Variants in PRKG1 observed in about 807,000 individuals in gnomAD.
PRKG1 encodes protein kinase cGMP-dependent 1.
Under a neutral mutation model 88.1 loss-of-function variants are expected in PRKG1, and 35 were observed. The ratio of observed to expected loss-of-function variants is 0.40; its 90% CI spans 0.30 to 0.53. The LOEUF is 0.53. PRKG1 is among the 20% of genes least tolerant of loss of function. The probability of loss-of-function intolerance (pLI) is 0.59; values close to 1 mark genes in which losing one functional copy is unlikely to be tolerated. For missense variants in PRKG1, 540 were observed against 839.8 expected (o/e 0.64, Z 4.41); for synonymous variants, 303 against 292.5 (o/e 1.04, Z -0.37).
chr10:51,121,353 G>A lies in PRKG1; in HGVS notation c.312-31811G>A, dbSNP rs1200667895. On this transcript the variant is annotated intron_variant, in intron 1 of 17. Coordinates refer to ENST00000373980, the MANE Select transcript of PRKG1 (RefSeq NM_006258.4). Reference sequence around the variant, plus strand: ...TAATAGTAGAAACATGTCTTTGATGGAGGAAATTATTATATTATTTTTTGA... The same window carrying A: ...TAATAGTAGAAACATGTCTTTGATGAAGGAAATTATTATATTATTTTTTGA... 2.6e-5 allele frequency among the ~76,000 whole-genome samples: 4 copies of A among 152,258 alleles called. No individual in the cohort carries two copies. In the East Asian group the frequency reaches 5.8e-4, roughly 22 times the overall value.
At chr10:52,146,288 A>C (rs1199489971) in intron 8 of PRKG1, among the ~76,000 whole-genome samples, 1 of 152,194 alleles carries the variant, frequency 6.6e-6, no homozygotes, top group Non-Finnish European at 1.5e-5. Context: ...TACCATTCAA[A>C]GGGAATTACT....
intron 9 of PRKG1, among the ~76,000 whole-genome samples, chr10:52,177,335 C>A (rs1838893413): frequency 6.6e-6 from 1 of 151,910 alleles, no homozygotes; most frequent in Non-Finnish European, 1.5e-5. Context: ...TTAAACCATC[C>A]TTGCATTTCT....
intron 2 of PRKG1, among the ~76,000 whole-genome samples, chr10:51,183,522 C>T (rs1307999663): frequency 1.3e-5 from 2 of 148,304 alleles, no homozygotes; most frequent in East Asian, 3.9e-4. Context: ...CACATTTGGT[C>T]CTCTGAGAAC....
intron 1 of PRKG1, among the ~76,000 whole-genome samples, chr10:51,101,710 A>T (rs552277772): frequency 9.2e-5 from 14 of 152,300 alleles, no homozygotes; most frequent in African/African-American, 3.4e-4. Flanking sequence ...GATCATAGTG[A>T]GAACATGTTG....
At chr10:51,192,121 T>C (rs74133523) in intron 2 of PRKG1, among the ~76,000 whole-genome samples, 8,016 of 151,486 alleles carry the variant, frequency 0.053, 398 homozygotes, top group African/African-American at 0.13. Context: ...ATACTATCCC[T>C]CAAGCTATTG....
intron 1 of PRKG1, among the ~76,000 whole-genome samples, chr10:51,023,515 C>T (rs1843166053): frequency 6.6e-6 from 1 of 152,174 alleles, no homozygotes; most frequent in Admixed American, 6.6e-5. Context: ...ACCCAGAAAA[C>T]TAGAAGAAAT....
intron 3 of PRKG1, among the ~76,000 whole-genome samples, chr10:51,570,049 G>GTATATATATATATATCTATATATATATA (rs1837706221): frequency 7.8e-6 from 1 of 128,798 alleles, no homozygotes; most frequent in African/African-American, 3.5e-5. Context: ...ACCCAAACTA[G>GTATATATATATATATCTATATATATATA]TATATATATA....
intron 1 of PRKG1, among the ~76,000 whole-genome samples, chr10:51,059,938 G>A (rs1056694463): frequency 3.3e-5 from 5 of 152,024 alleles, no homozygotes; most frequent in Admixed American, 2.6e-4. Context: ...TATTAGATTT[G>A]TCTCTATCTC....
At chr10:51,481,211 T>G (rs1261714835) in intron 3 of PRKG1, among the ~76,000 whole-genome samples, 1 of 131,372 alleles carries the variant, frequency 7.6e-6, no homozygotes, top group Non-Finnish European at 1.7e-5. Flanking sequence ...CTCCCTCCTT[T>G]CGTTCCTTCC....
chr10:51,536,386 G>A (rs1172249677), intron 3 of PRKG1, among the ~76,000 whole-genome samples: 2 of 152,032 alleles, frequency 1.3e-5, no homozygotes, highest in Non-Finnish European at 2.9e-5. Context: ...TTTTTAATGG[G>A]TTGTTTTTTG....
chr10:51,989,743 G>T (rs1442131970), intron 5 of PRKG1, among the ~76,000 whole-genome samples: 1 of 152,040 alleles, frequency 6.6e-6, no homozygotes, highest in East Asian at 1.9e-4. Flanking sequence ...GAGAAGAAAA[G>T]AATCTGCCAA....
chr10:52,293,342 T>C (rs575120093), intron 17 of PRKG1, among the ~76,000 whole-genome samples: 120 of 151,444 alleles, frequency 7.9e-4, no homozygotes, highest in African/African-American at 2.1e-3. Context: ...CTGCCCAAGG[T>C]AATTTATAGA....
At chr10:51,733,814 C>A (rs1837185977) in intron 3 of PRKG1, among the ~76,000 whole-genome samples, 1 of 152,006 alleles carries the variant, frequency 6.6e-6, no homozygotes, top group African/African-American at 2.4e-5. Flanking sequence ...ATTTTGAGTA[C>A]CTTGGGACCC....
chr10:51,452,704 A>G (rs1839470883), intron 2 of PRKG1, among the ~76,000 whole-genome samples: 1 of 151,882 alleles, frequency 6.6e-6, no homozygotes, highest in East Asian at 1.9e-4. Flanking sequence ...AGTATTTTGT[A>G]GAAAATTGTT....
chr10:51,545,307 C>A (rs1842419728), intron 3 of PRKG1, among the ~76,000 whole-genome samples: 1 of 152,100 alleles, frequency 6.6e-6, no homozygotes. Context: ...AAAGGAGTTT[C>A]TTTTATTCTC....
intron 2 of PRKG1, among the ~76,000 whole-genome samples, chr10:51,278,933 G>T (rs1249246656): frequency 6.6e-6 from 1 of 152,014 alleles, no homozygotes; most frequent in Non-Finnish European, 1.5e-5. Flanking sequence ...TTTTTGAAGG[G>T]TTTTTTGTGT....
intron 17 of PRKG1, among the ~76,000 whole-genome samples, chr10:52,290,779 C>T (rs573763280): frequency 6.6e-6 from 1 of 151,988 alleles, no homozygotes; most frequent in Non-Finnish European, 1.5e-5. Context: ...TCACTTGAGC[C>T]CAGGAATTTG....
At chr10:52,097,180 T>A (rs990177983) in intron 7 of PRKG1, among the ~76,000 whole-genome samples, 5 of 152,286 alleles carry the variant, frequency 3.3e-5, no homozygotes, top group Middle Eastern at 3.4e-3. Flanking sequence ...TCCCTCCCAC[T>A]CTAGGCAGAA....
At chr10:51,489,090 G>A (rs985271365) in intron 3 of PRKG1, among the ~76,000 whole-genome samples, 5 of 152,118 alleles carry the variant, frequency 3.3e-5, no homozygotes, top group South Asian at 4.1e-4. Context: ...TTATTTGAAT[G>A]TCTTTCTAGG....
Sources: allele counts gnomAD v4.1 joint callset (sites outside exome capture counted in the v4.1 genomes callset), GRCh38; gene constraint gnomAD v4.1.1; transcripts MANE v1.5; gene names NCBI Gene and HGNC (gene_info 2026-07-23, HGNC 2026-07-21).